Variants in EML6 observed in about 807,000 individuals in gnomAD.
EML6 encodes the protein EMAP like 6.
Under a neutral mutation model 240.1 loss-of-function variants are expected in EML6, and 154 were observed. The ratio of observed to expected loss-of-function variants is 0.64; its 90% confidence interval spans 0.56 to 0.73. The LOEUF is 0.73. EML6 is among the 30% of genes least tolerant of loss of function. The pLI is 0.00. For missense variants in EML6, 2,964 were observed against 2,474.6 expected (o/e 1.20, Z -4.20); for synonymous variants, 1,148 against 899.0 (o/e 1.28, Z -4.95).
rs1010580889 is a variant in EML6, at chr2:54,853,733, G to C, written c.1535G>C (p.Trp512Ser). ...CVKGPEVSGI[W>S]PKYTEVTDIN... The stretch of plus-strand genomic sequence containing the variant: ...AAAGGCCCTGAAGTGAGTGGAATTT[G>C]GCCCAAATACACTGAGGTTACTGAC... The change falls in exon 11 of 42, where the codon TGG (tryptophan) becomes TCG (serine). Residue 512 changes from tryptophan to serine, a missense_variant. Trp to Ser is a radical substitution (Grantham distance 177). Transcript: ENST00000356458. 23 of 1,551,454 alleles carry C rather than the reference G, an allele frequency of 1.5e-5. No individual in the cohort carries two copies. The highest frequency in any genetic ancestry group is 2.7e-5 in the African/African-American group (2 of 73,044).
At chr2:54,870,537 G>C (rs753641591) in intron 15 of EML6, among the ~76,000 whole-genome samples, 3 of 152,186 alleles carry the variant, frequency 2.0e-5, no homozygotes, top group East Asian at 1.9e-4. Context: ...GAAAATTAGA[G>C]ACCTACTGTG....
At chr2:54,953,933 G>A (rs577301110) in intron 31 of EML6, 50 bp from the exon 32 acceptor site, 8 of 1,411,860 alleles carry the variant, frequency 5.7e-6, no homozygotes, top group Admixed American at 2.2e-5. Flanking sequence ...CATCGCCTTG[G>A]CTCTGCCATT....
intron 29 of EML6, 103 bp downstream of exon 29, chr2:54,949,063 TA>T: frequency 1.2e-6 from 1 of 863,598 alleles, no homozygotes; most frequent in South Asian, 1.5e-5. Context: ...TGAAACGGAG[TA>T]GGTCCCTTGG....
chr2:54,871,755 G>A (rs1295279078), intron 16 of EML6, 150 bp downstream of exon 16: 2 of 657,746 alleles, frequency 3.0e-6, no homozygotes, highest in Non-Finnish European at 5.5e-6. Context: ...CAAGCTCTTT[G>A]TATGCCAGCT....
intron 2 of EML6, among the ~76,000 whole-genome samples, chr2:54,803,731 T>C (rs965357801): frequency 2.0e-5 from 3 of 152,168 alleles, no homozygotes; most frequent in African/African-American, 7.2e-5. Context: ...AAGTGGCCAG[T>C]TTTGTTTTTA....
At chr2:54,728,262 G>T (rs1263095602) in intron 2 of EML6, among the ~76,000 whole-genome samples, 1 of 152,212 alleles carries the variant, frequency 6.6e-6, no homozygotes, top group Non-Finnish European at 1.5e-5. Context: ...ACTTTAGGTA[G>T]TAGAACATGA....
chr2:54,742,759 G>C (rs922049597), intron 2 of EML6, among the ~76,000 whole-genome samples: 3 of 152,160 alleles, frequency 2.0e-5, no homozygotes, highest in Admixed American at 6.5e-5. Flanking sequence ...ATTCAATTCA[G>C]TAAAGCATAT....
In EML6 at chr2:54,747,542, C is replaced by G. The variant is rs148978498; in HGVS notation, c.197+22284C>G. On this transcript the variant is annotated intron_variant, in intron 2 of 41. Coordinates refer to ENST00000356458, the MANE Select transcript of EML6 (RefSeq NM_001039753.4). ...CATTAACTTATATATTCTTTGGTAA[C>G]CTTACTTATCACTAGGCTAGGAGAA... is the stretch of plus-strand genomic sequence containing the variant. The G allele has an allele frequency of 8.3e-3, 1,270 of 152,222 alleles. 20 individuals are homozygous for G. The highest frequency in any genetic ancestry group is 0.014 in the Middle Eastern group (4 of 294). 9.4% of individuals were successfully genotyped at this position (152,222 alleles called of 1,614,324 possible). A position where few individuals can be genotyped will look rare whatever the true frequency, so the allele number is the denominator to read the frequency against.
chr2:54,766,680 A>G (rs1668200185), intron 2 of EML6, among the ~76,000 whole-genome samples: 1 of 152,128 alleles, frequency 6.6e-6, no homozygotes, highest in Non-Finnish European at 1.5e-5. Flanking sequence ...GTCTGTGTAA[A>G]TATCTGTTTC....
chr2:54,739,530 A>G (rs1683540928), intron 2 of EML6, among the ~76,000 whole-genome samples: 1 of 152,218 alleles, frequency 6.6e-6, no homozygotes, highest in Non-Finnish European at 1.5e-5. Flanking sequence ...TACAACAAAG[A>G]TTTCTTGAGT....
At chr2:54,847,890 C>G (rs1299010814) in intron 9 of EML6, among the ~76,000 whole-genome samples, 3 of 152,158 alleles carry the variant, frequency 2.0e-5, no homozygotes, top group African/African-American at 7.2e-5. Flanking sequence ...TAGAAATAAT[C>G]ATGTGTCATG....
intron 32 of EML6, among the ~76,000 whole-genome samples, chr2:54,956,490 G>A (rs7584992): frequency 0.11 from 16,905 of 152,116 alleles, 1,328 homozygotes; most frequent in African/African-American, 0.21. Context: ...CTTTCTTCCC[G>A]TATGTTGTGT....
intron 32 of EML6, among the ~76,000 whole-genome samples, chr2:54,956,445 T>C (rs950615893): frequency 1.1e-4 from 17 of 152,232 alleles, no homozygotes; most frequent in African/African-American, 3.9e-4. Flanking sequence ...AGATCTCTAA[T>C]GTTAATCCTC....
chr2:54,921,230 C>T (rs1029984181), intron 26 of EML6, among the ~76,000 whole-genome samples: 1 of 152,026 alleles, frequency 6.6e-6, no homozygotes, highest in Non-Finnish European at 1.5e-5. Context: ...CCCCCAAAAG[C>T]TATTAGAATT....
intron 10 of EML6, 70 bp from the exon 11 acceptor site, chr2:54,853,572 CA>C: frequency 1.0e-6 from 1 of 993,856 alleles, no homozygotes; most frequent in Non-Finnish European, 1.4e-6. Flanking sequence ...CTTAAAGTTT[CA>C]GATCTTTATA....
chr2:54,956,161 T>C (rs1676223443), intron 32 of EML6, among the ~76,000 whole-genome samples: 1 of 152,192 alleles, frequency 6.6e-6, no homozygotes, highest in African/African-American at 2.4e-5. Flanking sequence ...TACAGGTGTC[T>C]CCACAATTAG....
intron 26 of EML6, among the ~76,000 whole-genome samples, chr2:54,918,929 A>T (rs1242087863): frequency 6.6e-6 from 1 of 152,106 alleles, no homozygotes; most frequent in African/African-American, 2.4e-5. Context: ...CCTGTGTAAT[A>T]TTTCATCCTA....
intron 31 of EML6, among the ~76,000 whole-genome samples, chr2:54,952,901 C>A (rs527679204): frequency 6.6e-6 from 1 of 152,114 alleles, no homozygotes; most frequent in Non-Finnish European, 1.5e-5. Context: ...GTCTGACCAG[C>A]GCCTGAGAGT....
rs532384050 is a variant in EML6 at position 54,750,323 on chromosome 2, C to T, written c.197+25065C>T. On this transcript the variant is annotated intron_variant, in intron 2 of 41. Transcript: ENST00000356458. ...TCCGATGGCTTCATAGCTACTTACT[C>T]ACCAGCCAGTCTACAGCATTAGGTT... Among the ~76,000 whole-genome samples, 3 of 152,330 alleles carry T rather than the reference C, an allele frequency of 2.0e-5. No homozygotes were observed. In the South Asian group the frequency reaches 6.2e-4, roughly 32 times the overall value.
Sources: gnomAD v4.1 joint callset for allele counts (sites outside exome capture counted in the v4.1 genomes callset) on GRCh38, gnomAD v4.1.1 for gene constraint, MANE v1.5 for transcripts, NCBI Gene and HGNC (gene_info 2026-07-23, HGNC 2026-07-21) for gene names.